The following NCOA1 variants were observed in gnomAD, a reference collection of about 807,000 sequenced individuals.
NCOA1 encodes the protein nuclear receptor coactivator 1.
NCOA1 carries 35 observed loss-of-function variants against 150.9 expected under a neutral mutation model. The observed-to-expected ratio is 0.23, with a 90% CI of 0.18 to 0.31. The LOEUF (loss-of-function observed/expected upper bound fraction) is 0.31. Among genes scored for constraint, NCOA1 ranks in the 10% least tolerant of loss-of-function variants. The pLI, the probability that NCOA1 is intolerant of heterozygous loss-of-function variation, is 1.00. For missense variants in NCOA1, 1,491 were observed against 1,749.3 expected, an observed-to-expected ratio of 0.85 and a Z score of 2.63; for synonymous variants, 590 against 630.0, an observed-to-expected ratio of 0.94 and a Z score of 0.95.
At chr2:24,730,775 C>T (rs953428863) in intron 17 of NCOA1, among the ~76,000 whole-genome samples, 2 of 150,276 alleles carry the variant, frequency 1.3e-5, no homozygotes, top group African/African-American at 4.9e-5. Context: ...CCTCTAATCC[C>T]AGCACTTTGG....
At chr2:24,607,407 G>A (rs955719457) in intron 3 of NCOA1, among the ~76,000 whole-genome samples, 4 of 146,754 alleles carry the variant, frequency 2.7e-5, no homozygotes, top group African/African-American at 1.0e-4. Flanking sequence ...AGTGAGATTG[G>A]CTGGGCGCAC....
chr2:24,638,428 T>G (rs1300334249), intron 3 of NCOA1, among the ~76,000 whole-genome samples: 2 of 152,148 alleles, frequency 1.3e-5, no homozygotes, highest in Non-Finnish European at 1.5e-5. Context: ...TTGTAAATAG[T>G]GTTGCAGTCA....
chr2:24,608,573 C>T (rs1668476021), intron 3 of NCOA1, among the ~76,000 whole-genome samples: 1 of 151,718 alleles, frequency 6.6e-6, no homozygotes, highest in South Asian at 2.1e-4. Flanking sequence ...GGCCAGTTCT[C>T]CCATTATTAA....
chr2:24,598,353 A>G (rs1433247805), intron 3 of NCOA1, among the ~76,000 whole-genome samples: 1 of 152,226 alleles, frequency 6.6e-6, no homozygotes, highest in Non-Finnish European at 1.5e-5. Flanking sequence ...AGAAACATTC[A>G]TTGCTATGGC....
intron 1 of NCOA1, among the ~76,000 whole-genome samples, chr2:24,519,904 A>T (rs1664352428): frequency 6.6e-6 from 1 of 152,236 alleles, no homozygotes; most frequent in Non-Finnish European, 1.5e-5. Flanking sequence ...ATATAGAGTT[A>T]TCAAAGCTCA....
chr2:24,531,619 C>T (rs938930050), intron 1 of NCOA1, among the ~76,000 whole-genome samples: 1 of 152,124 alleles, frequency 6.6e-6, no homozygotes, highest in Non-Finnish European at 1.5e-5. Flanking sequence ...CTCCCGCCCC[C>T]TGATAGGCCC....
intron 12 of NCOA1, among the ~76,000 whole-genome samples, chr2:24,705,873 G>T (rs1173146479): frequency 2.6e-5 from 4 of 152,240 alleles, no homozygotes; most frequent in Middle Eastern, 3.4e-3. Context: ...GGTAATGCCA[G>T]TCACAAATCT....
intron 7 of NCOA1, among the ~76,000 whole-genome samples, chr2:24,679,606 C>G (rs896094673): frequency 1.3e-5 from 2 of 152,018 alleles, no homozygotes; most frequent in Non-Finnish European, 2.9e-5. Flanking sequence ...AAAAATAAAT[C>G]TGTTTTTAAA....
chr2:24,628,297 T>C (rs1669524673), intron 3 of NCOA1, among the ~76,000 whole-genome samples: 1 of 87,178 alleles, frequency 1.1e-5, no homozygotes, highest in African/African-American at 3.0e-5. Context: ...CGAAACTCCA[T>C]CTCAGAAAAA....
chr2:24,571,544 A>G (rs574751714), intron 2 of NCOA1, among the ~76,000 whole-genome samples: 6 of 152,162 alleles, frequency 3.9e-5, no homozygotes, highest in Non-Finnish European at 8.8e-5. Flanking sequence ...TAGAGCTGGG[A>G]TTTGTATCCA....
At chr2:24,654,617 A>C (rs1318667799) in intron 4 of NCOA1, among the ~76,000 whole-genome samples, 1 of 152,174 alleles carries the variant, frequency 6.6e-6, no homozygotes, top group Non-Finnish European at 1.5e-5. Context: ...TCTTAGAATA[A>C]AAGTCAAATC....
chr2:24,527,484 G>A (rs1480906672), intron 1 of NCOA1, among the ~76,000 whole-genome samples: 6 of 152,080 alleles, frequency 3.9e-5, no homozygotes, highest in Admixed American at 2.0e-4. Flanking sequence ...GCAAATGGCA[G>A]GATCTCCTTT....
chr2:24,601,338 A>C (rs1429631716), intron 3 of NCOA1, among the ~76,000 whole-genome samples: 3 of 151,986 alleles, frequency 2.0e-5, no homozygotes, highest in Non-Finnish European at 4.4e-5. Flanking sequence ...TCAGCTTTCC[A>C]AATAGCTGGC....
chr2:24,753,936 A>T (rs1242940886), intron 20 of NCOA1, among the ~76,000 whole-genome samples: 7 of 152,200 alleles, frequency 4.6e-5, no homozygotes, highest in African/African-American at 1.7e-4. Context: ...CAAACTTAAC[A>T]TGATGAAAAC....
chr2:24,492,449 T>C (rs13002937), intron 1 of NCOA1, among the ~76,000 whole-genome samples: 76,789 of 151,978 alleles, frequency 0.51, 20,973 homozygotes, highest in Admixed American at 0.66. Context: ...TTAAAAGCAG[T>C]TACCCCCATG....
chr2:24,558,159 T>C (rs1473600350), intron 1 of NCOA1, among the ~76,000 whole-genome samples: 1 of 152,258 alleles, frequency 6.6e-6, no homozygotes, highest in East Asian at 1.9e-4. Flanking sequence ...CCCACTCTTT[T>C]TAACTTTGGT....
At position 24,541,238 on chromosome 2, in the gene NCOA1, G is replaced by C. The variant is rs147817417; in HGVS notation, c.-395-23057G>C. On this transcript the variant is annotated intron_variant, in intron 1 of 22. Transcript: ENST00000348332. ...TGAGACAAAATGACCACTACTGTTT[G>C]AGAGCTACGTTGAAGAAGGGGAGCC... Among the ~76,000 whole-genome samples, 282 of 152,302 alleles carry C rather than the reference G, an allele frequency of 1.9e-3. 1 individual carries two copies. Among genetic ancestry groups the C allele is most frequent in the African/African-American group, 6.3e-3 (263 of 41,558 alleles).
chr2:24,560,269 C>A (rs961484681), intron 1 of NCOA1, among the ~76,000 whole-genome samples: 3 of 152,088 alleles, frequency 2.0e-5, no homozygotes, highest in African/African-American at 7.2e-5. Flanking sequence ...ACTTCTTTTT[C>A]TGTGACCTGC....
Position 24,762,733 on chromosome 2 carries a change from T to C in NCOA1, c.4112T>C (p.Leu1371Pro). The stretch of plus-strand genomic sequence containing the variant: ...CACACAGGCCTCTACTGCAACCAGC[T>C]CTCATCCACTGACCTTCTCAAAACA... ...LRHTGLYCNQ[L>P]SSTDLLKTEA... The change falls in exon 22 of 23, where the codon CTC (leucine) becomes CCC (proline). Residue 1371 changes from leucine to proline, a missense_variant. Leu to Pro is a moderately conservative substitution (Grantham distance 98, BLOSUM62 -3). Transcript: ENST00000348332. The C allele has an allele frequency of 2.5e-6, 4 of 1,614,078 alleles. No homozygotes were observed. The highest frequency in any genetic ancestry group is 3.4e-6 in the Non-Finnish European group (4 of 1,179,948).
Sources: gnomAD v4.1 joint callset for allele counts (sites outside exome capture counted in the v4.1 genomes callset) on GRCh38, gnomAD v4.1.1 for gene constraint, MANE v1.5 for transcripts, NCBI Gene and HGNC (gene_info 2026-07-23, HGNC 2026-07-21) for gene names.